Variants in ZFP14 observed in about 807,000 individuals in gnomAD.
The protein encoded by ZFP14 is zinc finger protein 14 homolog.
Under a neutral mutation model 54.5 loss-of-function variants are expected in ZFP14, and 22 were observed. The ratio of observed to expected loss-of-function variants is 0.40; its 90% confidence interval spans 0.29 to 0.58. The LOEUF (loss-of-function observed/expected upper bound fraction) is 0.58. ZFP14 is among the 20% of genes least tolerant of loss of function. The probability of loss-of-function intolerance (pLI) is 0.39; values close to 1 mark genes in which losing one functional copy is unlikely to be tolerated. For missense variants in ZFP14, 470 were observed against 637.8 expected, an observed-to-expected ratio of 0.74 and a Z score of 2.83; for synonymous variants, 159 against 204.0, an observed-to-expected ratio of 0.78 and a Z score of 1.88.
intron 4 of ZFP14, among the ~76,000 whole-genome samples, chr19:36,357,749 T>G (rs997532186): frequency 2.8e-5 from 4 of 144,138 alleles, no homozygotes; most frequent in Middle Eastern, 3.3e-3. Flanking sequence ...TTGTTTTTTG[T>G]TTTTTTTTTT....
At position 36,347,951 on chromosome 19, in the gene ZFP14, G is replaced by A. The variant is rs550026875; in HGVS notation, c.236-6361C>T. ...CACGTGCCTGTAACCCTAGCTACTCGGGAGGCTGAGGCAGGAGAACCTCTT... is the reference window on the plus strand; with the variant it reads ...CACGTGCCTGTAACCCTAGCTACTCAGGAGGCTGAGGCAGGAGAACCTCTT... On this transcript the variant is annotated intron_variant, in intron 4 of 4. Transcript: ENST00000270001. 3.4e-4 allele frequency among the ~76,000 whole-genome samples: 51 copies of A among 152,150 alleles called. 1 individual carries two copies. The highest frequency in any genetic ancestry group is 1.2e-3 in the Admixed American group (18 of 15,288).
At position 36,340,592 on chromosome 19, in the gene ZFP14, T is replaced by G. The variant is rs746350498; in HGVS notation, c.1234A>C (p.Ile412Leu). The change falls in exon 5 of 5, where the codon ATT becomes CTT. Residue 412 changes from isoleucine to leucine, a missense_variant. Transcript: ENST00000270001. This position sits in a 1 kb window ranked among gnomAD's most constrained non-coding sequence, Gnocchi z 5.4. ...WKTFSSYSQLISHQSIHIGER... is the reference protein window; with the variant it reads ...WKTFSSYSQLLSHQSIHIGER... ...CCAATATGAATGCTCTGGTGTGAAA[T>G]AAGCTGTGAGTAACTACTAAAGGTC... 1.7e-5 allele frequency: 28 copies of G among 1,613,966 alleles called. No individual in the cohort carries two copies. The highest frequency in any genetic ancestry group is 2.4e-5 in the Non-Finnish European group (28 of 1,180,010).
intron 2 of ZFP14, 99 bp from the exon 3 acceptor site, chr19:36,362,337 A>G: frequency 7.6e-7 from 1 of 1,308,104 alleles, no homozygotes; most frequent in South Asian, 1.6e-5. Flanking sequence ...GAGGGGTCAG[A>G]TAGCATGCAA....
Position 36,357,741 on chromosome 19 carries a change from G to T in ZFP14, c.235+2694C>A, listed in dbSNP as rs116215417. On this transcript the variant is annotated intron_variant, in intron 4 of 4. Transcript: ENST00000270001. ...AGTTTTAATAAATCCTGAAGTTTTTGTTTTTTGTTTTTTTTTTTGAGATAA... is the reference window on the plus strand; with the variant it reads ...AGTTTTAATAAATCCTGAAGTTTTTTTTTTTTGTTTTTTTTTTTGAGATAA... Among the ~76,000 whole-genome samples the T allele has an allele frequency of 3.4e-3, 513 of 149,262 alleles. 4 individuals are homozygous for T. The highest frequency in any genetic ancestry group is 0.01 in the African/African-American group (418 of 39,832).
rs1041809841 is a variant in ZFP14 at position 36,341,499 on chromosome 19, A to T, written c.327T>A (p.Ile109=). The change falls in exon 5 of 5, where the codon ATT becomes ATA. Residue 109 remains isoleucine, a synonymous_variant. Coordinates refer to ENST00000270001, the MANE Select transcript of ZFP14 (RefSeq NM_020917.3). The surrounding 1 kb of genome is among the most constrained non-coding windows in gnomAD (Gnocchi z 4.2). ...TGGAACCCTGAAGGCTATAGCTTTT[A>T]ATTCTTTCCATTATATCCCACTGAA... is the stretch of plus-strand genomic sequence containing the variant. ...YSFQWDIMER[I]KSYSLQGSIF... is the part of the protein sequence containing the mutation. The T allele has an allele frequency of 1.4e-5, 22 of 1,613,392 alleles. No individual in the cohort carries two copies. The highest frequency in any genetic ancestry group is 1.3e-4 in the East Asian group (6 of 44,886).
Position 36,362,224 on chromosome 19 carries a change from G to C in ZFP14, c.24C>G (p.Phe8Leu). 8 of 1,602,482 alleles carry C rather than the reference G, an allele frequency of 5.0e-6. No individual in the cohort carries two copies. The highest frequency in any genetic ancestry group is 6.8e-6 in the Non-Finnish European group (8 of 1,176,754). The change falls in exon 3 of 5, where the codon TTC becomes TTG. Residue 8 changes from phenylalanine to leucine, a missense_variant. Physicochemically the swap from Phe to Leu is conservative, Grantham distance 22 (BLOSUM62 0). Transcript: ENST00000270001. MAHGSVTFRDVAIDFSQE... is the reference protein window; with the variant it reads MAHGSVTLRDVAIDFSQE... ...GTGAGAAGTCTATGGCCACATCCCT[G>C]AATGTCACTGAACCCTGAAAAAACA...
At chr19:36,376,538 C>T (rs2031965296) in intron 1 of ZFP14, among the ~76,000 whole-genome samples, 3 of 150,966 alleles carry the variant, frequency 2.0e-5, no homozygotes. Context: ...GAGCAAAACT[C>T]TGTCTCAAAA....
intron 2 of ZFP14, among the ~76,000 whole-genome samples, chr19:36,363,855 T>C (rs1017842504): frequency 6.6e-6 from 1 of 151,842 alleles, no homozygotes; most frequent in African/African-American, 2.4e-5. Context: ...CTGGGTGTGG[T>C]GGTGGGAGCC....
intron 1 of ZFP14, among the ~76,000 whole-genome samples, chr19:36,370,551 C>G (rs1333965068): frequency 6.6e-6 from 1 of 152,256 alleles, no homozygotes; most frequent in Non-Finnish European, 1.5e-5. Context: ...TCAGTGGCCT[C>G]TGCAATCAGG....
intron 4 of ZFP14, among the ~76,000 whole-genome samples, chr19:36,348,020 T>C (rs1196470365): frequency 6.6e-6 from 1 of 152,132 alleles, no homozygotes; most frequent in African/African-American, 2.4e-5. Flanking sequence ...ATCATGCCAC[T>C]GCACTCCAGC....
chr19:36,349,249 A>AAC (rs1568467154), intron 4 of ZFP14, among the ~76,000 whole-genome samples: 9 of 66,958 alleles, frequency 1.3e-4, no homozygotes, highest in Non-Finnish European at 2.4e-4. Context: ...AAAACAAAAA[A>AAC]AAAAAAACAA....
chr19:36,378,382 G>GCCAGGTACACGA (rs2031996152), intron 1 of ZFP14: 1 of 152,220 alleles, frequency 6.6e-6, no homozygotes, highest in African/African-American at 2.4e-5. Flanking sequence ...ACCACCTGGG[G>GCCAGGTACACGA]AGAAATCATG....
chr19:36,367,771 A>G, intron 2 of ZFP14, 113 bp downstream of exon 2: 1 of 1,273,740 alleles, frequency 7.9e-7, no homozygotes, highest in Admixed American at 2.2e-5. Flanking sequence ...GCCATGGAGC[A>G]GGTTCTTGGA....
At chr19:36,378,105 C>G (rs2967509) in intron 1 of ZFP14, 135,717 of 152,246 alleles carry the variant, frequency 0.89, 60,902 homozygotes, top group African/African-American at 0.96. Context: ...ACGAGAGAGA[C>G]GAGAAAAGCT....
In ZFP14 at chr19:36,353,467, G is replaced by A. The variant is rs185562340; in HGVS notation, c.235+6968C>T. 1.3e-3 allele frequency among the ~76,000 whole-genome samples: 190 copies of A among 141,942 alleles called. 24 individuals are homozygous for A. The highest frequency in any genetic ancestry group is 4.3e-3 in the African/African-American group (165 of 38,668). The allele number at this position is 141,942 out of a possible 152,430, so 93.1% of individuals were successfully genotyped here. A position where few individuals can be genotyped will look rare whatever the true frequency, so the allele number is the denominator to read the frequency against. On this transcript the variant is annotated intron_variant, in intron 4 of 4. Transcript: ENST00000270001. ...TGTAATTCCAGCACTTTGGGAGGCCGAGGCAGGCAGATCACAAGGTCAGGC... is the reference window on the plus strand; with the variant it reads ...TGTAATTCCAGCACTTTGGGAGGCCAAGGCAGGCAGATCACAAGGTCAGGC...
At position 36,352,290 on chromosome 19, in the gene ZFP14, G is replaced by C. The variant is rs2031540834; in HGVS notation, c.235+8145C>G. On this transcript the variant is annotated intron_variant, in intron 4 of 4. Coordinates refer to ENST00000270001, the MANE Select transcript of ZFP14 (RefSeq NM_020917.3). ...AAATAATGTACTTGTTATTGTCTAA[G>C]GCAACCACAAGAAGAAAAATAAATG... Among the ~76,000 whole-genome samples, 2 of 142,692 alleles carry C rather than the reference G, an allele frequency of 1.4e-5. 1 individual carries two copies. Among genetic ancestry groups the C allele is most frequent in the South Asian group, 4.5e-4 (2 of 4,492 alleles). The allele number at this position is 142,692 out of a possible 152,430, so 93.6% of individuals were successfully genotyped here. A position where few individuals can be genotyped will look rare whatever the true frequency, so the allele number is the denominator to read the frequency against.
Position 36,360,540 on chromosome 19 carries a change from A to C in ZFP14, c.137-7T>G. The C allele has an allele frequency of 2.5e-6, 4 of 1,604,630 alleles. No individual in the cohort carries two copies. The highest frequency in any genetic ancestry group is 1.1e-5 in the South Asian group (1 of 88,448). ...GGTTTAGAAATGGAAGGTCCTGCTT[A>C]AAAGAAAAATGTGACATGGAATTAT... On this transcript the variant is annotated splice_polypyrimidine_tract_variant and splice_region_variant and intron_variant, in intron 3 of 4. Coordinates refer to ENST00000270001, the MANE Select transcript of ZFP14 (RefSeq NM_020917.3).
intron 4 of ZFP14, among the ~76,000 whole-genome samples, chr19:36,356,978 A>T (rs1171377077): frequency 2.6e-5 from 4 of 151,934 alleles, no homozygotes; most frequent in Non-Finnish European, 4.4e-5. Context: ...TCACCCATTC[A>T]TCTGCTTATT....
intron 1 of ZFP14, among the ~76,000 whole-genome samples, chr19:36,375,758 C>T (rs1369056629): frequency 3.9e-5 from 6 of 151,998 alleles, no homozygotes; most frequent in African/African-American, 1.2e-4. Flanking sequence ...GGGGTTTCAC[C>T]GTGTTAGCCA....
Sources: allele counts gnomAD v4.1 joint callset (sites outside exome capture counted in the v4.1 genomes callset), GRCh38; gene constraint gnomAD v4.1.1; non-coding constraint Gnocchi (gnomAD v3.1); transcripts MANE v1.5; gene names NCBI Gene and HGNC (gene_info 2026-07-23, HGNC 2026-07-21).